RBFOX1: variants seen among roughly 807,000 people sequenced by gnomAD.
The protein encoded by RBFOX1 is RNA binding protein fox-1 homolog 1.
Under a neutral mutation model 57.7 loss-of-function variants are expected in RBFOX1, and 8 were observed. The observed-to-expected ratio is 0.14, with a 90% CI of 0.08 to 0.25. The LOEUF (loss-of-function observed/expected upper bound fraction) is 0.25. RBFOX1 is among the 10% of genes least tolerant of loss of function. The pLI is 1.00. For missense variants in RBFOX1, 611 were observed against 548.5 expected, an observed-to-expected ratio of 1.11 and a Z score of -1.14; for synonymous variants, 326 against 222.4, an observed-to-expected ratio of 1.47 and a Z score of -4.15.
intron 3 of RBFOX1, among the ~76,000 whole-genome samples, chr16:6,884,893 C>T (rs1050046864): frequency 6.6e-6 from 1 of 152,108 alleles, no homozygotes; most frequent in Non-Finnish European, 1.5e-5. Flanking sequence ...GCAAGGCTCT[C>T]TTTCAAACAA....
intron 8 of RBFOX1, among the ~76,000 whole-genome samples, chr16:7,596,990 C>T (rs994661773): frequency 1.3e-5 from 2 of 152,118 alleles, no homozygotes; most frequent in African/African-American, 4.8e-5. Context: ...TCTCTCTTCT[C>T]CACTGCATGC....
intron 4 of RBFOX1, among the ~76,000 whole-genome samples, chr16:7,055,896 G>A (rs1391684224): frequency 2.6e-5 from 4 of 151,880 alleles, no homozygotes; most frequent in South Asian, 2.1e-4. Flanking sequence ...CTACATGTGT[G>A]GGCTCAGCAA....
intron 2 of RBFOX1, among the ~76,000 whole-genome samples, chr16:6,637,633 C>T (rs557022868): frequency 1.0e-4 from 15 of 148,602 alleles, no homozygotes; most frequent in African/African-American, 3.5e-4. Flanking sequence ...AAGGTTGAAA[C>T]TCTAAAGTAC....
In RBFOX1 at chr16:7,309,415, C is replaced by G. The variant is rs192098194; in HGVS notation, c.28-208732C>G. Among the ~76,000 whole-genome samples, 4 of 152,338 alleles carry G rather than the reference C, an allele frequency of 2.6e-5. No individual in the cohort carries two copies. The East Asian group carries it at 7.7e-4, about 29-fold the overall frequency. The stretch of plus-strand genomic sequence containing the variant: ...AATCACTTCTGAAAATTGTAAGCAT[C>G]TGTTCATCCACAGACCAAAGCCTTG... On this transcript the variant is annotated intron_variant, in intron 4 of 15. Transcript: ENST00000550418.
intron 1 of RBFOX1, among the ~76,000 whole-genome samples, chr16:5,313,252 C>T (rs986111257): frequency 6.6e-6 from 1 of 152,076 alleles, no homozygotes; most frequent in East Asian, 1.9e-4. Context: ...CCTCTAATTC[C>T]CCCTCTCCAA....
chr16:5,984,968 ATATATATATTTTTTTTT>A (rs1404368150), intron 4 of RBFOX1, among the ~76,000 whole-genome samples: 6 of 55,734 alleles, frequency 1.1e-4, no homozygotes, highest in South Asian at 7.0e-4. Flanking sequence ...ATATATATAT[ATATATATATTTTTTTTT>A]TTTTTTTTTT....
intron 4 of RBFOX1, among the ~76,000 whole-genome samples, chr16:7,175,867 C>G (rs1027289989): frequency 5.3e-5 from 8 of 152,146 alleles, no homozygotes; most frequent in Admixed American, 3.9e-4. Flanking sequence ...TGAAAGGACT[C>G]CAGGTTCTTA....
At chr16:6,454,726 T>A (rs2094717448) in intron 2 of RBFOX1, among the ~76,000 whole-genome samples, 1 of 152,112 alleles carries the variant, frequency 6.6e-6, no homozygotes. Context: ...TGTCTTTGTC[T>A]GTGGTTCAAA....
intron 1 of RBFOX1, among the ~76,000 whole-genome samples, chr16:5,448,838 A>G (rs969862234): frequency 4.6e-5 from 7 of 152,180 alleles, no homozygotes; most frequent in South Asian, 2.1e-4. Flanking sequence ...AGGAAAGCAG[A>G]TAAAGATCTC....
At chr16:7,681,985 G>A (rs2074882091) in intron 14 of RBFOX1, among the ~76,000 whole-genome samples, 2 of 152,224 alleles carry the variant, frequency 1.3e-5, no homozygotes, top group South Asian at 4.1e-4. Flanking sequence ...CCCAAGGCCA[G>A]TTCAAGACCT....
At chr16:6,396,994 A>G (rs919346770) in intron 2 of RBFOX1, among the ~76,000 whole-genome samples, 18 of 152,234 alleles carry the variant, frequency 1.2e-4, no homozygotes, top group Non-Finnish European at 2.4e-4. Context: ...AATATAGATT[A>G]ATGTATATCA....
chr16:7,610,972 C>G (rs1348420978), intron 10 of RBFOX1, among the ~76,000 whole-genome samples: 1 of 151,662 alleles, frequency 6.6e-6, no homozygotes. Context: ...AAATGAAGAC[C>G]CCTTGTCATT....
At chr16:5,853,551 C>T (rs542027638) in intron 3 of RBFOX1, among the ~76,000 whole-genome samples, 10 of 152,272 alleles carry the variant, frequency 6.6e-5, no homozygotes, top group East Asian at 5.8e-4. Flanking sequence ...TCTCTCTTGA[C>T]GGTTACATGC....
intron 4 of RBFOX1, among the ~76,000 whole-genome samples, chr16:7,422,077 T>C (rs551413974): frequency 5.9e-5 from 9 of 152,278 alleles, no homozygotes; most frequent in Admixed American, 4.6e-4. Flanking sequence ...GGGACTTAAA[T>C]AGACAAAGAG....
intron 3 of RBFOX1, among the ~76,000 whole-genome samples, chr16:5,659,536 C>G (rs958423464): frequency 1.6e-4 from 25 of 152,054 alleles, no homozygotes; most frequent in African/African-American, 6.0e-4. Flanking sequence ...GTCTCCTGAC[C>G]TTGTGATCCG....
Position 5,252,085 on chromosome 16 carries a change from G to T in RBFOX1, c.219+11980G>T, listed in dbSNP as rs571539479. ...TCCTGCTTCATTAGGACACCTCCAA[G>T]CCCAGCTTAGACCTGGATGCCAGGT... is the stretch of plus-strand genomic sequence containing the variant. On this transcript the variant is annotated intron_variant, in intron 1 of 2. Transcript: ENST00000585867. 4.6e-5 allele frequency among the ~76,000 whole-genome samples: 7 copies of T among 152,274 alleles called. No individual in the cohort carries two copies. In the South Asian group the frequency reaches 1.5e-3, roughly 32 times the overall value.
chr16:6,087,415 C>G (rs2152522742), intron 1 of RBFOX1, among the ~76,000 whole-genome samples: 1 of 152,148 alleles, frequency 6.6e-6, no homozygotes, highest in East Asian at 1.9e-4. Flanking sequence ...GTTCAGAATT[C>G]AACTGTGATT....
intron 3 of RBFOX1, among the ~76,000 whole-genome samples, chr16:5,741,553 A>T (rs949023056): frequency 6.6e-6 from 1 of 152,234 alleles, no homozygotes; most frequent in African/African-American, 2.4e-5. Context: ...ATGATTTTTA[A>T]TCATTAAAGG....
intron 4 of RBFOX1, among the ~76,000 whole-genome samples, chr16:5,957,412 A>C (rs1255758601): frequency 6.6e-6 from 1 of 152,164 alleles, no homozygotes; most frequent in East Asian, 1.9e-4. Flanking sequence ...ATGGGGTTTC[A>C]CCATGTTGGT....
Sources: gnomAD v4.1 joint callset for allele counts (sites outside exome capture counted in the v4.1 genomes callset) on GRCh38, gnomAD v4.1.1 for gene constraint, MANE v1.5 for transcripts, NCBI Gene and HGNC (gene_info 2026-07-23, HGNC 2026-07-21) for gene names.